DMRTA1: variants seen among roughly 807,000 people sequenced by gnomAD.
DMRTA1 encodes the protein doublesex- and mab-3-related transcription factor A1.
Under a neutral mutation model 35.2 loss-of-function variants are expected in DMRTA1, and 34 were observed. The ratio of observed to expected loss-of-function variants is 0.97; its 90% confidence interval spans 0.74 to 1.29. DMRTA1 has a LOEUF of 1.29. Among genes scored for constraint, DMRTA1 ranks in the 50% most tolerant of loss-of-function variants. The pLI is 0.00. For synonymous variants in DMRTA1, 344 were observed against 276.6 expected (o/e 1.24, Z -2.42); for missense variants, 824 against 644.6 (o/e 1.28, Z -3.01).
In DMRTA1 at chr9:22,447,215, G is replaced by C. The variant is rs372741047; in HGVS notation, c.150G>C (p.Pro50=). The C allele has an allele frequency of 6.4e-7, 1 of 1,568,194 alleles. No individual in the cohort carries two copies. The highest frequency in any genetic ancestry group is 8.6e-7 in the Non-Finnish European group (1 of 1,162,016). Residue 50 remains proline, a synonymous_variant, in exon 1 of 2, where the codon CCG becomes CCC. Coordinates refer to ENST00000325870, the MANE Select transcript of DMRTA1 (RefSeq NM_022160.3). Reference sequence around the variant, plus strand: ...AGGTTCCCCCAGCGTTCCTGCGGCCGCCCAGCCTCTTTCTGCGAGCAGCGG... The same window carrying C: ...AGGTTCCCCCAGCGTTCCTGCGGCCCCCCAGCCTCTTTCTGCGAGCAGCGG... ...GMQVPPAFLR[P]PSLFLRAAAA...
At chr9:22,448,684 CTA>C in intron 1 of DMRTA1, among the ~76,000 whole-genome samples, 1 of 151,962 alleles carries the variant, frequency 6.6e-6, no homozygotes, top group East Asian at 1.9e-4. Context: ...ATACAGTAAA[CTA>C]TTAATTAGAA....
At position 22,454,888 on chromosome 9, in the gene DMRTA1, CTGAT is replaced by C. The variant is rs969479673; in HGVS notation, c.*2982_*2985del. 9 of 152,064 alleles carry C rather than the reference CTGAT, an allele frequency of 5.9e-5. No individual in the cohort carries two copies. Among genetic ancestry groups the C allele is most frequent in the Non-Finnish European group, 8.8e-5 (6 of 68,016 alleles). 9.4% of individuals were successfully genotyped at this position (152,064 alleles called of 1,614,324 possible). Reference sequence around the variant, plus strand: ...GCATGTAGAAAATACCAATCAGAGCCTGATTGATGGGATTTTTAATTACTGCTTT... The same window carrying C: ...GCATGTAGAAAATACCAATCAGAGCCTGATGGGATTTTTAATTACTGCTTT... On this transcript the variant is annotated 3_prime_UTR_variant, in exon 2 of 2. Transcript: ENST00000325870.
At position 22,452,948 on chromosome 9, in the gene DMRTA1, T is replaced by C. The variant is rs544820229; in HGVS notation, c.*1037T>C. ...ATGCTTAATGCACTGAGGAGAGATA[T>C]AAGATTTCCAAAGGGGAAAAACTGC... On this transcript the variant is annotated 3_prime_UTR_variant, in exon 2 of 2. Transcript: ENST00000325870. 14 of 152,246 alleles carry C rather than the reference T, an allele frequency of 9.2e-5. 1 individual carries two copies. The South Asian group carries it at 2.5e-3, about 27-fold the overall frequency. The allele number at this position is 152,246 out of a possible 1,614,324, so 9.4% of individuals were successfully genotyped here. A position where few individuals can be genotyped will look rare whatever the true frequency, so the allele number is the denominator to read the frequency against.
rs1818977472 is a variant in DMRTA1, at chr9:22,454,536, A to C, written c.*2625A>C. ...CTATATTGTGTGTACAAAAACAACC[A>C]ATCAACCAATGTTGGTATTATTTGA... is the stretch of plus-strand genomic sequence containing the variant. On this transcript the variant is annotated 3_prime_UTR_variant, in exon 2 of 2. Coordinates refer to ENST00000325870, the MANE Select transcript of DMRTA1 (RefSeq NM_022160.3). The C allele has an allele frequency of 6.6e-6, 1 of 152,196 alleles. No homozygotes were observed. The allele number at this position is 152,196 out of a possible 1,614,324, so 9.4% of individuals were successfully genotyped here. A position where few individuals can be genotyped will look rare whatever the true frequency, so the allele number is the denominator to read the frequency against.
At position 22,447,164 on chromosome 9, in the gene DMRTA1, G is replaced by C. The variant is rs753878586; in HGVS notation, c.99G>C (p.Pro33=). ...TGGCTGCCCCTCCGCCCCCGTCCCC[G>C]GCGTTGCCGGTACCATCGGGGATGC... The part of the protein sequence containing the change: ...LVVAAPPPPS[P]ALPVPSGMQV... The change falls in exon 1 of 2, where the codon CCG becomes CCC. Residue 33 remains proline, a synonymous_variant. Transcript: ENST00000325870. 1 of 1,601,146 alleles carries C rather than the reference G, an allele frequency of 6.2e-7. No individual in the cohort carries two copies.
rs1159192791 is a variant in DMRTA1 at position 22,447,003 on chromosome 9, A to T, written c.-63A>T. 8.3e-6 allele frequency: 13 copies of T among 1,556,988 alleles called. No individual in the cohort carries two copies. The highest frequency in any genetic ancestry group is 1.7e-4 in the Middle Eastern group (1 of 5,992). On this transcript the variant is annotated 5_prime_UTR_variant, in exon 1 of 2. Coordinates refer to ENST00000325870, the MANE Select transcript of DMRTA1 (RefSeq NM_022160.3). ...CCTGCCCCGGCTTCCCCAGCCTCCC[A>T]GCAGGGTTAGCTGCGGTCAGCGCAC...
rs770309947 is a variant in DMRTA1, at chr9:22,451,047, T to G, written c.668-17T>G. The G allele has an allele frequency of 6.3e-7, 1 of 1,594,172 alleles. No individual in the cohort carries two copies. Among genetic ancestry groups the G allele is most frequent in the Non-Finnish European group, 8.5e-7 (1 of 1,171,552 alleles). On this transcript the variant is annotated splice_polypyrimidine_tract_variant and intron_variant, in intron 1 of 1. Coordinates refer to ENST00000325870, the MANE Select transcript of DMRTA1 (RefSeq NM_022160.3). ...AGTCTTCCCTGTATTTGATTTTTTTTTCCCCCTCTTCTCCAGAACAAAAAG... is the reference window on the plus strand; with the variant it reads ...AGTCTTCCCTGTATTTGATTTTTTTGTCCCCCTCTTCTCCAGAACAAAAAG...
At position 22,452,171 on chromosome 9, in the gene DMRTA1, G is replaced by A. The variant is rs1036914736; in HGVS notation, c.*260G>A. 1 of 277,612 alleles carries A rather than the reference G, an allele frequency of 3.6e-6. No individual in the cohort carries two copies. Among genetic ancestry groups the A allele is most frequent in the Admixed American group, 4.8e-5 (1 of 20,870 alleles). The allele number at this position is 277,612 out of a possible 1,614,324, so 17.2% of individuals were successfully genotyped here. Reference sequence around the variant, plus strand: ...AAAGCTATTTCAGGAAATATTTAATGAATTTTCTCCCTAAATTATCATTTG... The same window carrying A: ...AAAGCTATTTCAGGAAATATTTAATAAATTTTCTCCCTAAATTATCATTTG... On this transcript the variant is annotated 3_prime_UTR_variant, in exon 2 of 2. Coordinates refer to ENST00000325870, the MANE Select transcript of DMRTA1 (RefSeq NM_022160.3).
In DMRTA1 at chr9:22,447,252, G is replaced by GCCGCCGCTGCCGCCA. The variant is rs1818846303; in HGVS notation, c.190_204dup (p.Ala64_Thr68dup). 1 of 1,497,320 alleles carries GCCGCCGCTGCCGCCA rather than the reference G, an allele frequency of 6.7e-7. No homozygotes were observed. The allele number at this position is 1,497,320 out of a possible 1,614,324, so 92.8% of individuals were successfully genotyped here. ...TCTGCGAGCAGCGGCCGCGGCCGCC[G>GCCGCCGCTGCCGCCA]CCGCCGCTGCCGCCACCTCGGGAAG... is the stretch of plus-strand genomic sequence containing the variant. On this transcript the variant is annotated inframe_insertion, in exon 1 of 2. Coordinates refer to ENST00000325870, the MANE Select transcript of DMRTA1 (RefSeq NM_022160.3).
intron 1 of DMRTA1, among the ~76,000 whole-genome samples, chr9:22,449,222 T>G (rs948637804): frequency 6.6e-6 from 1 of 152,222 alleles, no homozygotes; most frequent in Non-Finnish European, 1.5e-5. Flanking sequence ...GTCTATTTAA[T>G]TTACTCATTC....
In DMRTA1 at chr9:22,455,625, A is replaced by G. The variant is rs1449191563; in HGVS notation, c.*3714A>G. On this transcript the variant is annotated 3_prime_UTR_variant, in exon 2 of 2. Coordinates refer to ENST00000325870, the MANE Select transcript of DMRTA1 (RefSeq NM_022160.3). The stretch of plus-strand genomic sequence containing the variant: ...GAGCAGCGTACAGGCTTAGTTCCAG[A>G]CTTCGTGTTTGGTTGTTCATTTCAT... The G allele has an allele frequency of 3.3e-5, 5 of 152,076 alleles. No individual in the cohort carries two copies. Among genetic ancestry groups the G allele is most frequent in the Non-Finnish European group, 7.4e-5 (5 of 68,008 alleles). The allele number at this position is 152,076 out of a possible 1,614,324, so 9.4% of individuals were successfully genotyped here.
rs1007881427 is a variant in DMRTA1, at chr9:22,452,891, T to G, written c.*980T>G. The G allele has an allele frequency of 6.6e-6, 1 of 152,102 alleles. No homozygotes were observed. Among genetic ancestry groups the G allele is most frequent in the Non-Finnish European group, 1.5e-5 (1 of 67,950 alleles). 9.4% of individuals were successfully genotyped at this position (152,102 alleles called of 1,614,324 possible). A position where few individuals can be genotyped will look rare whatever the true frequency, so the allele number is the denominator to read the frequency against. On this transcript the variant is annotated 3_prime_UTR_variant, in exon 2 of 2. Coordinates refer to ENST00000325870, the MANE Select transcript of DMRTA1 (RefSeq NM_022160.3). ...TTATTCAGAAAACTAAAATAGCTGC[T>G]CAAATAAATATTTATTAACTGCAGA...
chr9:22,453,832 A>G lies in DMRTA1; in HGVS notation c.*1921A>G, dbSNP rs1010800999. ...CACTTATTGAATGCTATTTTTCTGA[A>G]AAGTGCTAGATCCTGTAGAGGATAC... On this transcript the variant is annotated 3_prime_UTR_variant, in exon 2 of 2. Coordinates refer to ENST00000325870, the MANE Select transcript of DMRTA1 (RefSeq NM_022160.3). 17 of 151,986 alleles carry G rather than the reference A, an allele frequency of 1.1e-4. No individual in the cohort carries two copies. Among genetic ancestry groups the G allele is most frequent in the Non-Finnish European group, 2.9e-5 (2 of 67,928 alleles). The allele number at this position is 151,986 out of a possible 1,614,324, so 9.4% of individuals were successfully genotyped here. A position where few individuals can be genotyped will look rare whatever the true frequency, so the allele number is the denominator to read the frequency against.
rs1230028926 is a variant in DMRTA1, at chr9:22,454,496, C to G, written c.*2585C>G. The stretch of plus-strand genomic sequence containing the variant: ...ATGATTAAGATACAAGACTTTGCCT[C>G]AAGTTGCTCACGGTCTATATTGTGT... On this transcript the variant is annotated 3_prime_UTR_variant, in exon 2 of 2. Coordinates refer to ENST00000325870, the MANE Select transcript of DMRTA1 (RefSeq NM_022160.3). 1 of 152,170 alleles carries G rather than the reference C, an allele frequency of 6.6e-6. No individual in the cohort carries two copies. Among genetic ancestry groups the G allele is most frequent in the Non-Finnish European group, 1.5e-5 (1 of 68,022 alleles). 9.4% of individuals were successfully genotyped at this position (152,170 alleles called of 1,614,324 possible).
In DMRTA1 at chr9:22,446,929, T is replaced by A; in HGVS notation, c.-137T>A. 3.5e-6 allele frequency: 4 copies of A among 1,131,610 alleles called. No homozygotes were observed. Among genetic ancestry groups the A allele is most frequent in the Non-Finnish European group, 4.9e-6 (4 of 810,518 alleles). 70.1% of individuals were successfully genotyped at this position (1,131,610 alleles called of 1,614,324 possible). ...CAACTCCTTCCGAGTGGAAAGAGTGTAAAACTTTTGTCCGTGCGCGGGTGG... is the reference window on the plus strand; with the variant it reads ...CAACTCCTTCCGAGTGGAAAGAGTGAAAAACTTTTGTCCGTGCGCGGGTGG... On this transcript the variant is annotated 5_prime_UTR_variant, in exon 1 of 2. Coordinates refer to ENST00000325870, the MANE Select transcript of DMRTA1 (RefSeq NM_022160.3).
At chr9:22,449,146 G>C (rs756695142) in intron 1 of DMRTA1, among the ~76,000 whole-genome samples, 1 of 152,118 alleles carries the variant, frequency 6.6e-6, no homozygotes, top group Admixed American at 6.5e-5. Context: ...TGTTTGAAAG[G>C]TTACTTCAAT....
rs1818990256 is a variant in DMRTA1 at position 22,455,418 on chromosome 9, C to T, written c.*3507C>T. 6.6e-6 allele frequency: 1 copy of T among 152,150 alleles called. No individual in the cohort carries two copies. The highest frequency in any genetic ancestry group is 1.5e-5 in the Non-Finnish European group (1 of 68,036). The allele number at this position is 152,150 out of a possible 1,614,324, so 9.4% of individuals were successfully genotyped here. A position where few individuals can be genotyped will look rare whatever the true frequency, so the allele number is the denominator to read the frequency against. On this transcript the variant is annotated 3_prime_UTR_variant, in exon 2 of 2. Transcript: ENST00000325870. The stretch of plus-strand genomic sequence containing the variant: ...CTTGCAAGATTCGTGGAGATAAAAG[C>T]TTAAATAAACGGCAGAGTACAGTAA...
In DMRTA1 at chr9:22,447,535, A is replaced by G. The variant is rs1425951405; in HGVS notation, c.470A>G (p.Gln157Arg). The stretch of plus-strand genomic sequence containing the variant: ...GAGGAGAGCGAAGCCCGGGGGCTAC[A>G]GAGGCTCCTGTGCTCGGGGCTCTCC... The part of the protein sequence containing the change: ...AQEESEARGL[Q>R]RLLCSGLSWP... The change falls in exon 1 of 2, where the codon CAG becomes CGG. Residue 157 changes from glutamine to arginine, a missense_variant. By Grantham distance (43) the Gln-to-Arg change is conservative. Coordinates refer to ENST00000325870, the MANE Select transcript of DMRTA1 (RefSeq NM_022160.3). 4 of 1,584,132 alleles carry G rather than the reference A, an allele frequency of 2.5e-6. No homozygotes were observed. The highest frequency in any genetic ancestry group is 1.1e-5 in the South Asian group (1 of 88,486).
chr9:22,451,211 A>G lies in DMRTA1; in HGVS notation c.815A>G (p.Asn272Ser), dbSNP rs777036865. ...GGGTCATCTATTTCAGAATACTCCA[A>G]CAAGCCTGATAGTATCCTGTCTCCT... Reference protein sequence around the residue: ...SIGSSISEYSNKPDSILSPHP... With the variant: ...SIGSSISEYSSKPDSILSPHP... The change falls in exon 2 of 2, where the codon AAC (asparagine) becomes AGC (serine). Residue 272 changes from asparagine (N) to serine (S), a missense_variant. Asn to Ser is a conservative substitution (Grantham distance 46). Transcript: ENST00000325870. The G allele has an allele frequency of 4.5e-5, 72 of 1,613,996 alleles. No individual in the cohort carries two copies. The highest frequency in any genetic ancestry group is 1.6e-4 in the Middle Eastern group (1 of 6,084).
Sources: allele counts gnomAD v4.1 joint callset (sites outside exome capture counted in the v4.1 genomes callset), GRCh38; gene constraint gnomAD v4.1.1; transcripts MANE v1.5; gene names NCBI Gene and HGNC (gene_info 2026-07-23, HGNC 2026-07-21).